Variants in EXOC6B observed in about 807,000 individuals in gnomAD.
EXOC6B encodes the protein SEC15 homolog B.
EXOC6B carries 54 observed loss-of-function variants against 113.5 expected under a neutral mutation model. The ratio of observed to expected loss-of-function variants is 0.48; its 90% CI spans 0.38 to 0.60. The LOEUF is 0.60. Ranked by LOEUF, EXOC6B falls within the 20% of genes least tolerant of loss-of-function variation. EXOC6B has a pLI of 0.00. For synonymous variants in EXOC6B, 357 were observed against 339.0 expected (o/e 1.05, Z -0.58); for missense variants, 797 against 977.5 (o/e 0.82, Z 2.46).
chr2:72,204,168 C>T (rs1340668205), intron 20 of EXOC6B, among the ~76,000 whole-genome samples: 2 of 152,152 alleles, frequency 1.3e-5, no homozygotes, highest in Non-Finnish European at 2.9e-5. Flanking sequence ...TATTAGTGTT[C>T]AGCACTGTGT....
chr2:72,324,915 C>T (rs906579981), intron 20 of EXOC6B, among the ~76,000 whole-genome samples: 4 of 152,248 alleles, frequency 2.6e-5, no homozygotes, highest in South Asian at 2.1e-4. Flanking sequence ...CATAAAGAGA[C>T]TCCAAACACA....
chr2:72,640,138 G>A (rs1200172637), intron 6 of EXOC6B, among the ~76,000 whole-genome samples: 1 of 152,092 alleles, frequency 6.6e-6, no homozygotes, highest in African/African-American at 2.4e-5. Flanking sequence ...GAATGCAGGA[G>A]CCAAGAGACA....
intron 20 of EXOC6B, among the ~76,000 whole-genome samples, chr2:72,333,941 G>A (rs1688545549): frequency 6.6e-6 from 1 of 151,964 alleles, no homozygotes; most frequent in Non-Finnish European, 1.5e-5. Context: ...ACCGATACAA[G>A]GGGTCCTGCA....
intron 1 of EXOC6B, among the ~76,000 whole-genome samples, chr2:72,816,877 G>C (rs953127801): frequency 2.0e-5 from 3 of 152,136 alleles, no homozygotes; most frequent in African/African-American, 7.2e-5. Context: ...GAAAATTGTT[G>C]TCTATTTAAC....
intron 16 of EXOC6B, among the ~76,000 whole-genome samples, chr2:72,481,266 A>T (rs915954498): frequency 6.6e-6 from 1 of 152,248 alleles, no homozygotes; most frequent in Non-Finnish European, 1.5e-5. Context: ...AGCCTCGGGC[A>T]GTTCTTTATA....
At chr2:72,291,562 A>G (rs1685794131) in intron 20 of EXOC6B, among the ~76,000 whole-genome samples, 1 of 152,188 alleles carries the variant, frequency 6.6e-6, no homozygotes, top group African/African-American at 2.4e-5. Flanking sequence ...TAGGTTTTGG[A>G]TGTAATTTTC....
intron 11 of EXOC6B, among the ~76,000 whole-genome samples, chr2:72,503,975 G>C (rs546302554): frequency 3.9e-5 from 6 of 152,098 alleles, no homozygotes; most frequent in African/African-American, 1.4e-4. Context: ...GGATACGATC[G>C]TGGCTCACTA....
chr2:72,186,229 C>T (rs1289237862), intron 20 of EXOC6B, among the ~76,000 whole-genome samples: 1 of 152,146 alleles, frequency 6.6e-6, no homozygotes, highest in Non-Finnish European at 1.5e-5. Context: ...TTTATAGCAG[C>T]ATGATTTATA....
intron 1 of EXOC6B, among the ~76,000 whole-genome samples, chr2:72,795,744 T>TA (rs1684908722): frequency 6.6e-6 from 1 of 152,076 alleles, no homozygotes; most frequent in Admixed American, 6.6e-5. Context: ...CAGGTAAAAT[T>TA]AAAGTGCTTA....
intron 11 of EXOC6B, among the ~76,000 whole-genome samples, chr2:72,504,353 G>A (rs1248569554): frequency 6.6e-6 from 1 of 152,098 alleles, no homozygotes; most frequent in Non-Finnish European, 1.5e-5. Flanking sequence ...CCTAAATACT[G>A]AGACTTAATC....
intron 18 of EXOC6B, among the ~76,000 whole-genome samples, chr2:72,412,244 A>G (rs1010504736): frequency 5.9e-5 from 9 of 152,242 alleles, no homozygotes; most frequent in African/African-American, 2.2e-4. Flanking sequence ...CTACAAAACA[A>G]TGAAATATTA....
chr2:72,734,105 T>C (rs1680807522), intron 2 of EXOC6B, among the ~76,000 whole-genome samples: 1 of 152,186 alleles, frequency 6.6e-6, no homozygotes, highest in African/African-American at 2.4e-5. Context: ...CAAATTTATC[T>C]AACGTAATAC....
chr2:72,350,314 T>C (rs182942433), intron 19 of EXOC6B, among the ~76,000 whole-genome samples: 206 of 152,336 alleles, frequency 1.4e-3, no homozygotes, highest in Non-Finnish European at 2.3e-3. Flanking sequence ...CTTTGCTTCA[T>C]GGAATTGTTC....
chr2:72,228,503 T>A (rs1303420586), intron 20 of EXOC6B, among the ~76,000 whole-genome samples: 3 of 148,630 alleles, frequency 2.0e-5, no homozygotes, highest in Non-Finnish European at 4.5e-5. Flanking sequence ...CACCTATGAG[T>A]GAGAACATGC....
intron 6 of EXOC6B, among the ~76,000 whole-genome samples, chr2:72,627,189 T>A (rs1672104978): frequency 2.0e-5 from 3 of 152,218 alleles, no homozygotes. Context: ...GTCTTGTTTT[T>A]CTTTAGCTGT....
intron 2 of EXOC6B, among the ~76,000 whole-genome samples, chr2:72,735,171 A>C (rs368653306): frequency 9.2e-5 from 14 of 152,324 alleles, no homozygotes; most frequent in African/African-American, 2.6e-4. Context: ...GGTCTCCTAA[A>C]ATACAACCCT....
intron 6 of EXOC6B, among the ~76,000 whole-genome samples, chr2:72,596,830 A>T (rs1663344532): frequency 6.6e-6 from 1 of 151,740 alleles, no homozygotes; most frequent in African/African-American, 2.4e-5. Context: ...AAACAAGGAC[A>T]CAAGAGGAAA....
chr2:72,338,313 T>G (rs113707491), intron 19 of EXOC6B, among the ~76,000 whole-genome samples: 2 of 152,282 alleles, frequency 1.3e-5, no homozygotes, highest in South Asian at 4.1e-4. Flanking sequence ...AGTGTAAATA[T>G]GAATTTCTCT....
Position 72,401,953 on chromosome 2 carries a change from A to C in EXOC6B, c.1981-22083T>G, listed in dbSNP as rs1693362677. 3.3e-5 allele frequency among the ~76,000 whole-genome samples: 5 copies of C among 151,740 alleles called. No homozygotes were observed. The South Asian group carries it at 1.0e-3, about 31-fold the overall frequency. ...GCAAGAAGATAATGAGATTGCTGAC[A>C]TAAGATTTTTTTTAAAATCCTTCAA... On this transcript the variant is annotated intron_variant, in intron 18 of 21. Coordinates refer to ENST00000272427, the MANE Select transcript of EXOC6B (RefSeq NM_015189.3).
Sources: gnomAD v4.1 joint callset for allele counts (sites outside exome capture counted in the v4.1 genomes callset) on GRCh38, gnomAD v4.1.1 for gene constraint, MANE v1.5 for transcripts, NCBI Gene and HGNC (gene_info 2026-07-23, HGNC 2026-07-21) for gene names.